The following SORBS2 variants were observed in gnomAD, a reference collection of about 807,000 sequenced individuals.
The protein encoded by SORBS2 is sorbin and SH3 domain containing 2.
A neutral mutation model predicts 97.7 loss-of-function variants in SORBS2; 46 were observed. The ratio of observed to expected loss-of-function variants is 0.47; its 90% CI spans 0.37 to 0.60. SORBS2 has a LOEUF of 0.60. Among genes scored for constraint, SORBS2 ranks in the 20% least tolerant of loss-of-function variants. SORBS2 has a pLI of 0.00. For synonymous variants in SORBS2, 476 were observed against 473.4 expected, an observed-to-expected ratio of 1.01 and a Z score of -0.07; for missense variants, 1,316 against 1,282.3, an observed-to-expected ratio of 1.03 and a Z score of -0.40.
At chr4:185,911,076 TAAAG>T (rs2149878110) in intron 1 of SORBS2, among the ~76,000 whole-genome samples, 1 of 152,276 alleles carries the variant, frequency 6.6e-6, no homozygotes, top group South Asian at 2.1e-4. Context: ...CTTTATAAAA[TAAAG>T]ACTCTAGAGA....
chr4:185,832,859 G>A (rs907655614), intron 1 of SORBS2, among the ~76,000 whole-genome samples: 14 of 152,142 alleles, frequency 9.2e-5, no homozygotes, highest in Middle Eastern at 3.2e-3. Flanking sequence ...GTTGGAGACC[G>A]TTTCTGAACA....
chr4:185,817,137 C>T (rs1420715611), intron 1 of SORBS2, among the ~76,000 whole-genome samples: 4 of 151,944 alleles, frequency 2.6e-5, no homozygotes, highest in South Asian at 2.1e-4. Context: ...CTTACAGGAA[C>T]TACTTTATCG....
intron 1 of SORBS2, among the ~76,000 whole-genome samples, chr4:185,792,964 G>A (rs1447100251): frequency 2.0e-5 from 3 of 152,162 alleles, no homozygotes; most frequent in African/African-American, 7.2e-5. Flanking sequence ...TGTAAAATGA[G>A]AATAATGTAC....
chr4:185,666,321 G>T, intron 4 of SORBS2: 1 of 465,960 alleles, frequency 2.1e-6, no homozygotes, highest in Non-Finnish European at 3.8e-6. Context: ...ACTTTAAGGA[G>T]TTACATTCAG....
At chr4:185,588,790 C>T (rs2095852412) in intron 14 of SORBS2, among the ~76,000 whole-genome samples, 1 of 152,068 alleles carries the variant, frequency 6.6e-6, no homozygotes, top group Admixed American at 6.5e-5. Context: ...GATTATTGTA[C>T]TTTTGGTAGA....
chr4:185,787,760 T>C (rs1369250973), intron 1 of SORBS2, among the ~76,000 whole-genome samples: 5 of 152,238 alleles, frequency 3.3e-5, no homozygotes, highest in Non-Finnish European at 7.3e-5. Flanking sequence ...TTTCCCGTAT[T>C]GTTCCTACCG....
intron 9 of SORBS2, among the ~76,000 whole-genome samples, chr4:185,615,975 C>A (rs913682788): frequency 1.3e-5 from 2 of 152,174 alleles, no homozygotes; most frequent in Non-Finnish European, 2.9e-5. Flanking sequence ...ATCACCTTCA[C>A]TACATCAATT....
chr4:185,596,530 C>CTTTTTTTTTTTT (rs58831094), intron 12 of SORBS2, among the ~76,000 whole-genome samples: 5 of 77,432 alleles, frequency 6.5e-5, no homozygotes, highest in African/African-American at 2.8e-4. Context: ...ACCGTCCTTG[C>CTTTTTTTTTTTT]TTTTTTTTTT....
At chr4:185,786,052 G>A (rs1367774000) in intron 1 of SORBS2, among the ~76,000 whole-genome samples, 1 of 152,104 alleles carries the variant, frequency 6.6e-6, no homozygotes, top group Admixed American at 6.5e-5. Context: ...TTACTTTGCT[G>A]TTGGGGAAAA....
At chr4:185,950,248 C>A (rs375753470) in intron 1 of SORBS2, among the ~76,000 whole-genome samples, 44 of 147,216 alleles carry the variant, frequency 3.0e-4, no homozygotes, top group African/African-American at 3.2e-4. Context: ...AAGACTGTCT[C>A]AAAAAAAAAA....
intron 1 of SORBS2, among the ~76,000 whole-genome samples, chr4:185,776,958 T>C (rs1283447209): frequency 6.6e-6 from 1 of 151,684 alleles, no homozygotes; most frequent in Non-Finnish European, 1.5e-5. Context: ...GGTTGGTTGC[T>C]AGATGCTTAT....
At chr4:185,724,790 T>C (rs1178883922) in intron 2 of SORBS2, among the ~76,000 whole-genome samples, 1 of 152,210 alleles carries the variant, frequency 6.6e-6, no homozygotes, top group African/African-American at 2.4e-5. Flanking sequence ...TTCCCTGACC[T>C]TTTTATTTAC....
At position 185,669,944 on chromosome 4, in the gene SORBS2, C is replaced by T. The variant is rs886832770; in HGVS notation, c.-45-7702G>A. On this transcript the variant is annotated intron_variant, in intron 4 of 20. Transcript: ENST00000284776. ...TGAAGTAAACATGTAATAGGGCAAG[C>T]GCAGTGGCTCACACCTGTAATCCCA... Among the ~76,000 whole-genome samples, 4 of 152,118 alleles carry T rather than the reference C, an allele frequency of 2.6e-5. No individual in the cohort carries two copies. The East Asian group carries it at 5.8e-4, about 22-fold the overall frequency.
At chr4:185,686,857 G>A (rs749891449) in intron 2 of SORBS2, among the ~76,000 whole-genome samples, 11 of 152,164 alleles carry the variant, frequency 7.2e-5, no homozygotes, top group Non-Finnish European at 1.3e-4. Flanking sequence ...GGGTGTTGGG[G>A]GGTAGTTCCT....
chr4:185,615,212 A>G (rs2096609285), intron 9 of SORBS2, 53 bp from the exon 22 acceptor site: 1 of 1,028,880 alleles, frequency 9.7e-7, no homozygotes, highest in Non-Finnish European at 1.5e-6. Flanking sequence ...AATAATTCTC[A>G]AGATCAACAC....
At chr4:185,626,392 T>G (rs1204538232) in intron 6 of SORBS2, among the ~76,000 whole-genome samples, 1 of 152,208 alleles carries the variant, frequency 6.6e-6, no homozygotes, top group Non-Finnish European at 1.5e-5. Flanking sequence ...TTGAATAATT[T>G]TTTAAAACCC....
Position 185,937,967 on chromosome 4 carries a change from T to A in SORBS2, c.-338+18229A>T, listed in dbSNP as rs1197607293. 8.6e-5 allele frequency among the ~76,000 whole-genome samples: 13 copies of A among 151,966 alleles called. No homozygotes were observed. The East Asian group carries it at 2.3e-3, about 27-fold the overall frequency. On this transcript the variant is annotated intron_variant, in intron 1 of 20. Transcript: ENST00000284776. ...CACACCACTACTGCTGTTCAGAGAC[T>A]GTCAGTGGCTGCCTGCCTCCTAGGT...
chr4:185,950,245 T>A (rs1454611642), intron 1 of SORBS2, among the ~76,000 whole-genome samples: 1 of 42,714 alleles, frequency 2.3e-5, no homozygotes, highest in African/African-American at 9.3e-5. Flanking sequence ...AGCAAGACTG[T>A]CTCAAAAAAA....
intron 1 of SORBS2, among the ~76,000 whole-genome samples, chr4:185,917,634 C>T (rs759437095): frequency 2.6e-5 from 4 of 152,160 alleles, no homozygotes; most frequent in Non-Finnish European, 5.9e-5. Flanking sequence ...CCAGCTATAG[C>T]CAGCCGGTCA....
Sources: allele counts gnomAD v4.1 joint callset (sites outside exome capture counted in the v4.1 genomes callset), GRCh38; gene constraint gnomAD v4.1.1; transcripts MANE v1.5; gene names NCBI Gene and HGNC (gene_info 2026-07-23, HGNC 2026-07-21).